The following ZNF676 variants were observed in gnomAD, a reference collection of about 807,000 sequenced individuals.
ZNF676 encodes zinc finger protein 676.
Under a neutral mutation model 6.0 loss-of-function variants are expected in ZNF676, and 4 were observed. The ratio of observed to expected loss-of-function variants is 0.67; its 90% confidence interval spans 0.33 to 1.53. ZNF676 has a LOEUF of 1.53. ZNF676 is among the 40% of genes most tolerant of loss of function. The pLI, the probability that ZNF676 is intolerant of heterozygous loss-of-function variation, is 0.06. For missense variants in ZNF676, 644 were observed against 679.7 expected (o/e 0.95, Z 0.58); for synonymous variants, 198 against 223.1 (o/e 0.89, Z 1.00).
the ZNF676 span, among the ~76,000 whole-genome samples, chr19:22,234,734 G>C: frequency 2.6e-5 from 4 of 152,212 alleles, no homozygotes; most frequent in East Asian, 7.8e-4. Context: ...AGGAGTTTGA[G>C]ACCAGCCTGG....
At chr19:22,252,470 G>A in the ZNF676 span, among the ~76,000 whole-genome samples, 3 of 151,160 alleles carry the variant, frequency 2.0e-5, no homozygotes, top group African/African-American at 4.9e-5. Context: ...TCACCTAGGC[G>A]CTGGGCCCAG....
chr19:22,256,611 G>C, the ZNF676 span, among the ~76,000 whole-genome samples: 1 of 152,068 alleles, frequency 6.6e-6, no homozygotes. Flanking sequence ...AAGGCCTTCT[G>C]TGAGCAGGAC....
At chr19:22,215,666 G>T in exon 1 of ZNF676, 1 of 1,608,116 alleles carries the variant, frequency 6.2e-7, no homozygotes, top group South Asian at 1.1e-5. Context: ...TGGCGACTTA[G>T]TTGTGGATCT....
At chr19:22,252,295 T>G in the ZNF676 span, among the ~76,000 whole-genome samples, 7 of 151,294 alleles carry the variant, frequency 4.6e-5, no homozygotes, top group Admixed American at 4.6e-4. Context: ...CTCATGAGGC[T>G]GAGGCAAGAG....
chr19:22,179,868 G>T lies in ZNF676; in HGVS notation c.*82C>A. 1 of 1,460,690 alleles carries T rather than the reference G, an allele frequency of 6.8e-7. No homozygotes were observed. Among genetic ancestry groups the T allele is most frequent in the Non-Finnish European group, 9.5e-7 (1 of 1,051,330 alleles). 90.5% of individuals were successfully genotyped at this position (1,460,690 alleles called of 1,614,324 possible). A position where few individuals can be genotyped will look rare whatever the true frequency, so the allele number is the denominator to read the frequency against. ...AAGCTTTGCCACATTCTTCACCTTT[G>T]TAGATTTTCTCTCCAGTATGAATTT... On this transcript the variant is annotated 3_prime_UTR_variant, in exon 3 of 3. Transcript: ENST00000397121.
chr19:22,236,155 T>A, the ZNF676 span, among the ~76,000 whole-genome samples: 5,328 of 151,924 alleles, frequency 0.035, 278 homozygotes, highest in African/African-American at 0.12. Context: ...GATTTACTAT[T>A]TTCCCAGGTA....
At chr19:22,234,878 A>G in the ZNF676 span, among the ~76,000 whole-genome samples, 3 of 151,864 alleles carry the variant, frequency 2.0e-5, no homozygotes, top group African/African-American at 4.8e-5. Flanking sequence ...GGTTGCAGTG[A>G]GGCAAGTTAA....
chr19:22,203,354 G>A (rs542184883), intron 1 of ZNF676: 1 of 153,640 alleles, frequency 6.5e-6, no homozygotes, highest in Non-Finnish European at 1.5e-5. Context: ...AATACTAATA[G>A]GGCTTCTGAA....
At chr19:22,246,177 A>G in the ZNF676 span, among the ~76,000 whole-genome samples, 5 of 152,186 alleles carry the variant, frequency 3.3e-5, no homozygotes, top group Non-Finnish European at 5.9e-5. Flanking sequence ...GATTAAAAAA[A>G]GAAAAAAACA....
chr19:22,242,321 G>A, the ZNF676 span, among the ~76,000 whole-genome samples: 93 of 152,080 alleles, frequency 6.1e-4, no homozygotes, highest in South Asian at 0.016. Context: ...CAAGGGCTAT[G>A]TTCCACTGTT....
upstream of ZNF676, among the ~76,000 whole-genome samples, chr19:22,201,201 G>A (rs2024022518): frequency 1.3e-5 from 2 of 152,168 alleles, no homozygotes; most frequent in African/African-American, 4.8e-5. Flanking sequence ...TAGTTGTGGT[G>A]TGGCTCTGGA....
At chr19:22,185,489 CAA>C (rs35260893) in intron 2 of ZNF676, among the ~76,000 whole-genome samples, 17 of 141,674 alleles carry the variant, frequency 1.2e-4, no homozygotes, top group African/African-American at 1.6e-4. Context: ...TCATCACCAG[CAA>C]AAAAAAAAAA....
At position 22,196,721 on chromosome 19, in the gene ZNF676, T is replaced by C. The variant is rs1431794736; in HGVS notation, c.-88A>G. 1.9e-6 allele frequency: 3 copies of C among 1,606,896 alleles called. No individual in the cohort carries two copies. Among genetic ancestry groups the C allele is most frequent in the African/African-American group, 1.3e-5 (1 of 74,724 alleles). The stretch of plus-strand genomic sequence containing the variant: ...CTATGGCCACATCCCTAAATGTCAA[T>C]GCTCCCTGGAAAACACACACAAACA... On this transcript the variant is annotated 5_prime_UTR_variant, in exon 1 of 3. Transcript: ENST00000397121.
At chr19:22,235,022 AAG>A in the ZNF676 span, among the ~76,000 whole-genome samples, 1 of 77,764 alleles carries the variant, frequency 1.3e-5, no homozygotes, top group South Asian at 4.7e-4. Flanking sequence ...GAAAGAAAGA[AAG>A]AAAGAAAGAA....
intron 2 of ZNF676, among the ~76,000 whole-genome samples, chr19:22,186,869 C>A (rs1308459025): frequency 6.6e-6 from 1 of 152,108 alleles, no homozygotes; most frequent in East Asian, 1.9e-4. Flanking sequence ...ACAGGAGCAC[C>A]CAGAATCATA....
the ZNF676 span, among the ~76,000 whole-genome samples, chr19:22,225,654 GGTTATTTT>G: frequency 6.6e-6 from 1 of 152,102 alleles, no homozygotes; most frequent in Non-Finnish European, 1.5e-5. Context: ...ATGGGTGTCA[GGTTATTTT>G]GTATTTCACT....
intron 1 of ZNF676, among the ~76,000 whole-genome samples, chr19:22,212,826 CT>C (rs2024143577): frequency 6.6e-6 from 1 of 152,002 alleles, no homozygotes; most frequent in African/African-American, 2.4e-5. Context: ...GAAATTCCAT[CT>C]CTACCAAAAA....
the ZNF676 span, among the ~76,000 whole-genome samples, chr19:22,242,841 GT>G: frequency 0.012 from 1,700 of 139,388 alleles, 58 homozygotes; most frequent in African/African-American, 0.044. Context: ...AATTACCCAA[GT>G]TGGGGGGGGG....
At chr19:22,245,076 A>G in the ZNF676 span, 39 of 152,290 alleles carry the variant, frequency 2.6e-4, no homozygotes, top group African/African-American at 9.4e-4. Flanking sequence ...GGTACATCAC[A>G]ATTTCTCGTT....
Sources: allele counts gnomAD v4.1 joint callset (sites outside exome capture counted in the v4.1 genomes callset), GRCh38; gene constraint gnomAD v4.1.1; transcripts MANE v1.5; gene names NCBI Gene and HGNC (gene_info 2026-07-23, HGNC 2026-07-21).